The following SHANK2 variants were observed in gnomAD, a reference collection of about 807,000 sequenced individuals.
SHANK2 encodes the protein SH3 and multiple ankyrin repeat domains protein 2.
SHANK2 carries 43 observed loss-of-function variants against 133.7 expected under a neutral mutation model. The ratio of observed to expected loss-of-function variants is 0.32; its 90% confidence interval spans 0.25 to 0.41. The LOEUF (loss-of-function observed/expected upper bound fraction) is 0.41, where lower values mean the gene tolerates loss of function less well. Ranked by LOEUF, SHANK2 falls within the 10% of genes least tolerant of loss-of-function variation. SHANK2 has a pLI of 1.00. For missense variants in SHANK2, 1,994 were observed against 2,235.8 expected, an observed-to-expected ratio of 0.89 and a Z score of 2.18; for synonymous variants, 1,017 against 952.8, an observed-to-expected ratio of 1.07 and a Z score of -1.24.
chr11:70,767,924 T>G (rs1176165968), intron 14 of SHANK2, among the ~76,000 whole-genome samples: 1 of 152,182 alleles, frequency 6.6e-6, no homozygotes, highest in Non-Finnish European at 1.5e-5. Context: ...CCTCTGCTTC[T>G]TGCACTCAGA....
Position 71,076,546 on chromosome 11 carries a change from C to CCA in SHANK2, c.913-1273_913-1272dup, listed in dbSNP as rs1356959143. The stretch of plus-strand genomic sequence containing the variant: ...AAAAAACGAAAAACAAAAAAAAAAA[C>CCA]CACACACACACACGAGAAATTTCCA... On this transcript the variant is annotated intron_variant, in intron 8 of 25. Coordinates refer to ENST00000601538, the MANE Select transcript of SHANK2 (RefSeq NM_012309.5). 5.0e-4 allele frequency among the ~76,000 whole-genome samples: 75 copies of CCA among 149,636 alleles called. 1 individual carries two copies. In the East Asian group the frequency reaches 0.014, roughly 27 times the overall value.
chr11:70,919,372 CTT>C (rs35847446), intron 10 of SHANK2, among the ~76,000 whole-genome samples: 89 of 146,982 alleles, frequency 6.1e-4, no homozygotes, highest in Admixed American at 1.2e-3. Context: ...CTTACTACTT[CTT>C]TTTTTTTTTT....
chr11:70,727,010 C>T (rs1464669927), intron 14 of SHANK2, among the ~76,000 whole-genome samples: 1 of 152,258 alleles, frequency 6.6e-6, no homozygotes, highest in Admixed American at 6.5e-5. Flanking sequence ...AAGACCCTCC[C>T]TGCAGAACCC....
intron 17 of SHANK2, among the ~76,000 whole-genome samples, chr11:70,511,099 C>T (rs1219195227): frequency 1.3e-5 from 2 of 151,974 alleles, no homozygotes; most frequent in Non-Finnish European, 2.9e-5. Context: ...AAGGTGAGCA[C>T]TTTGACAACA....
chr11:71,166,475 T>TC (rs1953152738), intron 2 of SHANK2, among the ~76,000 whole-genome samples: 2 of 147,802 alleles, frequency 1.4e-5, no homozygotes, highest in Admixed American at 6.6e-5. Flanking sequence ...CCACACGTCT[T>TC]TTTTTTCTTT....
chr11:70,646,820 T>TTTTATTTATTTATTTA (rs142747571), intron 17 of SHANK2, among the ~76,000 whole-genome samples: 1 of 140,042 alleles, frequency 7.1e-6, no homozygotes, highest in Non-Finnish European at 1.5e-5. Flanking sequence ...GGAATCTAAC[T>TTTTATTTATTTATTTA]TTTATTTATT....
intron 14 of SHANK2, among the ~76,000 whole-genome samples, chr11:70,781,361 A>G (rs1555045089): frequency 6.6e-6 from 1 of 151,026 alleles, no homozygotes; most frequent in African/African-American, 2.4e-5. Flanking sequence ...GGACCCTCAG[A>G]GCCCCATGGT....
At chr11:70,796,210 C>T (rs574169617) in intron 14 of SHANK2, among the ~76,000 whole-genome samples, 1 of 152,284 alleles carries the variant, frequency 6.6e-6, no homozygotes, top group African/African-American at 2.4e-5. Flanking sequence ...GTGATGCTGG[C>T]AGGTGGACGG....
At chr11:70,555,376 G>C (rs550946303) in intron 17 of SHANK2, among the ~76,000 whole-genome samples, 1 of 152,352 alleles carries the variant, frequency 6.6e-6, no homozygotes, top group Non-Finnish European at 1.5e-5. Context: ...AGCTGAGACA[G>C]GCTGAAAGCT....
chr11:71,085,967 TTATA>T (rs1951396640), intron 8 of SHANK2, among the ~76,000 whole-genome samples: 2 of 49,222 alleles, frequency 4.1e-5, no homozygotes, highest in Non-Finnish European at 3.4e-5. Context: ...ATGTTATATA[TTATA>T]TATATTATGT....
intron 17 of SHANK2, among the ~76,000 whole-genome samples, chr11:70,580,872 T>C (rs2060175861): frequency 6.6e-6 from 1 of 152,192 alleles, no homozygotes; most frequent in South Asian, 2.1e-4. Flanking sequence ...TCACCTCCTG[T>C]TCCCTCTGTG....
intron 8 of SHANK2, among the ~76,000 whole-genome samples, chr11:71,087,878 C>T (rs1010497060): frequency 2.6e-5 from 4 of 152,168 alleles, no homozygotes; most frequent in African/African-American, 9.7e-5. Flanking sequence ...ATCCACCTGC[C>T]TCAGCCTCCC....
Position 71,107,498 on chromosome 11 carries a change from C to T in SHANK2, c.592+2443G>A, listed in dbSNP as rs192867579. Among the ~76,000 whole-genome samples the T allele has an allele frequency of 7.4e-3, 1,122 of 152,268 alleles. 12 individuals are homozygous for T. Among genetic ancestry groups the T allele is most frequent in the African/African-American group, 0.026 (1,061 of 41,548 alleles). ...TTGTCATCGTGGGAATATTTCAGAACGTTCGGAAGGTAACTGCGTGGTACC... is the reference window on the plus strand; with the variant it reads ...TTGTCATCGTGGGAATATTTCAGAATGTTCGGAAGGTAACTGCGTGGTACC... On this transcript the variant is annotated intron_variant, in intron 6 of 25. Transcript: ENST00000601538.
At chr11:70,797,006 A>G (rs1947928647) in intron 14 of SHANK2, among the ~76,000 whole-genome samples, 1 of 152,228 alleles carries the variant, frequency 6.6e-6, no homozygotes, top group South Asian at 2.1e-4. Flanking sequence ...CCATTTCCAG[A>G]AAAGACATGA....
At chr11:70,623,342 G>A (rs372543218) in intron 17 of SHANK2, among the ~76,000 whole-genome samples, 3 of 152,210 alleles carry the variant, frequency 2.0e-5, no homozygotes, top group Admixed American at 6.5e-5. Context: ...CTTCCCTGCC[G>A]GCCAGCACTG....
At chr11:70,785,579 T>C (rs1555046286) in intron 14 of SHANK2, among the ~76,000 whole-genome samples, 1 of 152,190 alleles carries the variant, frequency 6.6e-6, no homozygotes, top group East Asian at 1.9e-4. Context: ...TGAATGCCAC[T>C]ACCTCTGTCT....
At chr11:71,103,649 C>G (rs1265248148) in intron 6 of SHANK2, among the ~76,000 whole-genome samples, 2 of 152,130 alleles carry the variant, frequency 1.3e-5, no homozygotes, top group African/African-American at 4.8e-5. Flanking sequence ...GTGTCCTGCC[C>G]AAATCTCACG....
intron 17 of SHANK2, among the ~76,000 whole-genome samples, chr11:70,568,645 T>TCC (rs1565137385): frequency 4.1e-5 from 2 of 48,380 alleles, no homozygotes; most frequent in African/African-American, 5.8e-5. Flanking sequence ...AGCGGATTCC[T>TCC]GCCCCCCCCG....
chr11:71,145,544 G>A (rs1487554268), intron 3 of SHANK2, among the ~76,000 whole-genome samples: 1 of 152,194 alleles, frequency 6.6e-6, no homozygotes, highest in Admixed American at 6.5e-5. Flanking sequence ...GGGGTGGGCT[G>A]AGCAGAGGGT....
Sources: allele counts gnomAD v4.1 joint callset (sites outside exome capture counted in the v4.1 genomes callset), GRCh38; gene constraint gnomAD v4.1.1; transcripts MANE v1.5; gene names NCBI Gene and HGNC (gene_info 2026-07-23, HGNC 2026-07-21).